TULP4: variants seen among roughly 807,000 people sequenced by gnomAD.
TULP4 encodes the protein tubby-related protein 4.
A neutral mutation model predicts 129.0 loss-of-function variants in TULP4; 16 were observed. The observed-to-expected ratio is 0.12, with a 90% CI of 0.08 to 0.19. The LOEUF is 0.19. TULP4 is among the 10% of genes least tolerant of loss of function. TULP4 has a pLI of 1.00. For synonymous variants in TULP4, 998 were observed against 854.0 expected (o/e 1.17, Z -2.94); for missense variants, 1,842 against 2,059.1 (o/e 0.89, Z 2.04).
At chr6:158,305,324 C>CGTGTGTGTGTGTGTGTGT (rs34836137) in intron 1 of TULP4, among the ~76,000 whole-genome samples, 3 of 141,748 alleles carry the variant, frequency 2.1e-5, no homozygotes, top group Non-Finnish European at 3.1e-5. Flanking sequence ...ATTCTGTGTG[C>CGTGTGTGTGTGTGTGTGT]GTGTGTGTGT....
At position 158,471,073 on chromosome 6, in the gene TULP4, G is replaced by A. The variant is rs376550688; in HGVS notation, c.1027-8678G>A. 1.8e-4 allele frequency among the ~76,000 whole-genome samples: 28 copies of A among 152,356 alleles called. 2 individuals are homozygous for A. Among genetic ancestry groups the A allele is most frequent in the African/African-American group, 6.5e-4 (27 of 41,600 alleles). On this transcript the variant is annotated intron_variant, in intron 6 of 13. Transcript: ENST00000367097. ...AAGAGCCCAGTGCAAGTTGGAAGAT[G>A]TGGGTTTGAGGGCAGTAGGGAGGTT...
intron 1 of TULP4, among the ~76,000 whole-genome samples, chr6:158,285,298 A>AG (rs1160511184): frequency 3.5e-4 from 54 of 152,296 alleles, no homozygotes; most frequent in African/African-American, 1.2e-3. Context: ...TTGTTTATTA[A>AG]CAATAAACAA....
chr6:158,502,086 C>G lies in TULP4; in HGVS notation c.2423C>G (p.Thr808Arg). ...LQKSAKALRP[T>R]PQLAAEGDAV... ...AAGTCAGCCAAGGCCCTGCGGCCAACACCGCAGCTGGCAGCTGAGGGGGAC... is the reference window on the plus strand; with the variant it reads ...AAGTCAGCCAAGGCCCTGCGGCCAAGACCGCAGCTGGCAGCTGAGGGGGAC... The change falls in exon 13 of 14, where the codon ACA becomes AGA. Residue 808 changes from threonine to arginine, a missense_variant. Physicochemically the swap from Thr to Arg is moderately conservative, Grantham distance 71. Around this residue, in one of 5 missense-constraint regions of TULP4, gnomAD observed 1,089 missense variants for 987.1 expected, o/e 1.10. Coordinates refer to ENST00000367097, the MANE Select transcript of TULP4 (RefSeq NM_020245.5). 6.2e-7 allele frequency: 1 copy of G among 1,611,988 alleles called. No individual in the cohort carries two copies. Among genetic ancestry groups the G allele is most frequent in the Non-Finnish European group, 8.5e-7 (1 of 1,178,996 alleles).
At chr6:158,391,457 A>G (rs1249125137) in intron 1 of TULP4, among the ~76,000 whole-genome samples, 2 of 152,206 alleles carry the variant, frequency 1.3e-5, no homozygotes, top group Non-Finnish European at 2.9e-5. Flanking sequence ...TGTCAACTGT[A>G]GTGTATGAGG....
intron 3 of TULP4, among the ~76,000 whole-genome samples, chr6:158,444,000 A>C (rs927420317): frequency 6.6e-6 from 1 of 151,970 alleles, no homozygotes; most frequent in Non-Finnish European, 1.5e-5. Flanking sequence ...TGGGCGGATC[A>C]CAAGGTCAGG....
chr6:158,428,859 T>C (rs1360815839), intron 2 of TULP4, among the ~76,000 whole-genome samples: 1 of 152,228 alleles, frequency 6.6e-6, no homozygotes, highest in Non-Finnish European at 1.5e-5. Context: ...GAGTCTTCTC[T>C]GTAGATGAGA....
intron 6 of TULP4, among the ~76,000 whole-genome samples, chr6:158,469,753 G>T (rs559050909): frequency 2.0e-5 from 3 of 151,860 alleles, no homozygotes; most frequent in Admixed American, 2.0e-4. Flanking sequence ...TGAATAGAAC[G>T]AGGGGAAATG....
intron 1 of TULP4, among the ~76,000 whole-genome samples, chr6:158,395,140 A>G (rs571857873): frequency 6.6e-6 from 1 of 152,276 alleles, no homozygotes; most frequent in East Asian, 1.9e-4. Flanking sequence ...ACAAATCCAA[A>G]TCATATCAGG....
At position 158,502,233 on chromosome 6, in the gene TULP4, C is replaced by T; in HGVS notation, c.2570C>T (p.Pro857Leu). 1 of 1,577,680 alleles carries T rather than the reference C, an allele frequency of 6.3e-7. No homozygotes were observed. Among genetic ancestry groups the T allele is most frequent in the Non-Finnish European group, 8.6e-7 (1 of 1,156,164 alleles). Residue 857 changes from proline (P) to leucine (L), a missense_variant, in exon 13 of 14, where the codon CCA (proline) becomes CTA (leucine). Physicochemically the swap from Pro to Leu is moderately conservative, Grantham distance 98. Transcript: ENST00000367097. ...GCACCCCCGCCCCCTCTGCCGCCCCCACAGCCCCCAGTGGATGTGTGCTTG... is the reference window on the plus strand; with the variant it reads ...GCACCCCCGCCCCCTCTGCCGCCCCTACAGCCCCCAGTGGATGTGTGCTTG... The part of the protein sequence containing the change: ...TAAPPPPLPP[P>L]QPPVDVCLKK...
At chr6:158,234,158 A>G (rs1269115607) in intron 1 of TULP4, among the ~76,000 whole-genome samples, 2 of 152,186 alleles carry the variant, frequency 1.3e-5, no homozygotes, top group East Asian at 1.9e-4. Context: ...GTGTGTATAA[A>G]TCATATTTAT....
At chr6:158,247,761 A>G (rs929180268) in intron 1 of TULP4, among the ~76,000 whole-genome samples, 13 of 152,228 alleles carry the variant, frequency 8.5e-5, no homozygotes, top group Non-Finnish European at 1.3e-4. Flanking sequence ...AATGCACATC[A>G]TTGTTACGAA....
intron 3 of TULP4, 68 bp downstream of exon 3, chr6:158,429,965 C>A: frequency 1.4e-6 from 2 of 1,458,386 alleles, no homozygotes; most frequent in Non-Finnish European, 1.8e-6. Context: ...AAGAAAGGGG[C>A]AGGAGAGGGG....
intron 1 of TULP4, among the ~76,000 whole-genome samples, chr6:158,362,934 T>A (rs769051272): frequency 6.6e-6 from 1 of 151,622 alleles, no homozygotes; most frequent in Non-Finnish European, 1.5e-5. Flanking sequence ...CAGTGGCAGG[T>A]GCCTGTAATC....
At position 158,463,407 on chromosome 6, in the gene TULP4, G is replaced by T. The variant is rs149664635; in HGVS notation, c.1026+1678G>T. 4.0e-3 allele frequency among the ~76,000 whole-genome samples: 606 copies of T among 152,018 alleles called. 5 individuals carry two copies. Among genetic ancestry groups the T allele is most frequent in the African/African-American group, 0.014 (579 of 41,444 alleles). On this transcript the variant is annotated intron_variant, in intron 6 of 13. Transcript: ENST00000367097. Reference sequence around the variant, plus strand: ...GAATTATCAGCAGCGCGTAATAGACGTATGCCTGGGAGGGAGTTGACAGTG... The same window carrying T: ...GAATTATCAGCAGCGCGTAATAGACTTATGCCTGGGAGGGAGTTGACAGTG...
upstream of TULP4, among the ~76,000 whole-genome samples, chr6:158,309,496 G>A (rs374022609): frequency 6.0e-3 from 918 of 151,932 alleles, 10 homozygotes; most frequent in East Asian, 0.023. Flanking sequence ...GGTGGCGGCC[G>A]GGCAGAGGCT....
At chr6:158,299,147 G>A (rs1460186353) in intron 1 of TULP4, among the ~76,000 whole-genome samples, 2 of 151,978 alleles carry the variant, frequency 1.3e-5, no homozygotes, top group Admixed American at 6.6e-5. Flanking sequence ...TCGGGGTGGG[G>A]GGTAATGCCC....
chr6:158,496,666 T>C (rs1157736219), intron 11 of TULP4, among the ~76,000 whole-genome samples: 1 of 152,224 alleles, frequency 6.6e-6, no homozygotes, highest in East Asian at 1.9e-4. Context: ...ATCATGATTA[T>C]TCCCACATCA....
intron 1 of TULP4, among the ~76,000 whole-genome samples, chr6:158,385,193 C>T (rs1054097956): frequency 6.6e-5 from 10 of 152,178 alleles, no homozygotes; most frequent in Non-Finnish European, 1.3e-4. Context: ...CCTCCACACT[C>T]ACCGAAAGTA....
At chr6:158,463,148 A>G (rs668656) in intron 6 of TULP4, among the ~76,000 whole-genome samples, 63,553 of 152,082 alleles carry the variant, frequency 0.42, 14,590 homozygotes, top group African/African-American at 0.62. Context: ...GGCTTATTCT[A>G]GTCTCCTACA....
Sources: allele counts gnomAD v4.1 joint callset (sites outside exome capture counted in the v4.1 genomes callset), GRCh38; gene constraint gnomAD v4.1.1; regional missense constraint gnomAD v4.1.1; transcripts MANE v1.5; gene names NCBI Gene and HGNC (gene_info 2026-07-23, HGNC 2026-07-21).